ELMO1: variants seen among roughly 807,000 people sequenced by gnomAD.
The protein encoded by ELMO1 is engulfment and cell motility 1.
A neutral mutation model predicts 98.9 loss-of-function variants in ELMO1; 26 were observed. The ratio of observed to expected loss-of-function variants is 0.26; its 90% CI spans 0.19 to 0.36. ELMO1 has a LOEUF of 0.36. Among genes scored for constraint, ELMO1 ranks in the 10% least tolerant of loss-of-function variants. The probability of loss-of-function intolerance (pLI) is 1.00; values close to 1 mark genes in which losing one functional copy is unlikely to be tolerated. For missense variants in ELMO1, 627 were observed against 935.2 expected, an observed-to-expected ratio of 0.67 and a Z score of 4.30; for synonymous variants, 346 against 346.0, an observed-to-expected ratio of 1.00 and a Z score of 0.00.
intron 7 of ELMO1, among the ~76,000 whole-genome samples, chr7:37,238,074 GA>G: frequency 6.6e-6 from 1 of 152,254 alleles, no homozygotes; most frequent in South Asian, 2.1e-4. Context: ...AAAAATAACT[GA>G]TATTGCACTG....
In ELMO1 at chr7:37,351,636, TAGAC is replaced by T. The variant is rs1398124620; in HGVS notation, c.-73-8877_-73-8874del. On this transcript the variant is annotated intron_variant, in intron 1 of 21. Coordinates refer to ENST00000310758, the MANE Select transcript of ELMO1 (RefSeq NM_014800.11). ...GTACTACCCTAACATCCTTCCTAGA[TAGAC>T]AAACTAATAAATTCCTCATTACGCT... 5.9e-5 allele frequency among the ~76,000 whole-genome samples: 9 copies of T among 152,368 alleles called. No homozygotes were observed. The East Asian group carries it at 1.7e-3, about 29-fold the overall frequency.
rs1790271990 is a variant in ELMO1 at position 37,172,987 on chromosome 7, A to G, written c.1086+38399T>C. 2.6e-5 allele frequency among the ~76,000 whole-genome samples: 4 copies of G among 152,200 alleles called. No homozygotes were observed. The South Asian group carries it at 8.3e-4, about 31-fold the overall frequency. ...AGTCAGCAGGGAACTCGGATCCTGA[A>G]ACAATAAGAAAATTGAGTTGAGATG... On this transcript the variant is annotated intron_variant, in intron 13 of 21. Coordinates refer to ENST00000310758, the MANE Select transcript of ELMO1 (RefSeq NM_014800.11).
At chr7:37,074,945 G>A (rs1481751797) in intron 15 of ELMO1, among the ~76,000 whole-genome samples, 3 of 152,136 alleles carry the variant, frequency 2.0e-5, no homozygotes, top group Non-Finnish European at 1.5e-5. Context: ...GGCTTGAATG[G>A]GGGTGAATGA....
chr7:36,981,884 GGTGGTCCAGGTACCTT>G (rs1255143006), intron 16 of ELMO1, among the ~76,000 whole-genome samples: 1 of 152,222 alleles, frequency 6.6e-6, no homozygotes, highest in African/African-American at 2.4e-5. Flanking sequence ...TACCAGAGCA[GGTGGTCCAGGTACCTT>G]GTGGAGGTAA....
chr7:37,137,648 T>A (rs1787358007), intron 13 of ELMO1, among the ~76,000 whole-genome samples: 1 of 152,104 alleles, frequency 6.6e-6, no homozygotes, highest in Admixed American at 6.5e-5. Context: ...GCAATTCTCC[T>A]GCCTCAGCCT....
intron 14 of ELMO1, among the ~76,000 whole-genome samples, chr7:37,111,349 A>T (rs1785239848): frequency 6.6e-6 from 1 of 152,234 alleles, no homozygotes; most frequent in Non-Finnish European, 1.5e-5. Context: ...AGGCAAAAGC[A>T]CCATCAAGAT....
chr7:36,897,223 C>G (rs1459215957), intron 16 of ELMO1, among the ~76,000 whole-genome samples: 2 of 152,198 alleles, frequency 1.3e-5, no homozygotes, highest in Admixed American at 1.3e-4. Context: ...CTGAAGCATG[C>G]TCTCTTTCCC....
At chr7:37,107,596 T>A (rs1284976083) in intron 14 of ELMO1, among the ~76,000 whole-genome samples, 1 of 152,188 alleles carries the variant, frequency 6.6e-6, no homozygotes, top group Non-Finnish European at 1.5e-5. Context: ...GCCTCACATC[T>A]CCTTCACCGG....
chr7:36,876,787 C>T (rs887535167), intron 19 of ELMO1, among the ~76,000 whole-genome samples: 1 of 152,232 alleles, frequency 6.6e-6, no homozygotes, highest in Non-Finnish European at 1.5e-5. Flanking sequence ...TGCCCCAAAG[C>T]AGGGAGGCAT....
chr7:36,970,153 CACACACACAAAT>C (rs145432323), intron 16 of ELMO1, among the ~76,000 whole-genome samples: 5,048 of 150,954 alleles, frequency 0.033, 313 homozygotes, highest in African/African-American at 0.12. Context: ...CACACACAAA[CACACACACAAAT>C]ACATTCATAC....
At chr7:37,273,783 T>A (rs1044281479) in intron 4 of ELMO1, among the ~76,000 whole-genome samples, 18 of 152,106 alleles carry the variant, frequency 1.2e-4, no homozygotes, top group South Asian at 6.2e-4. Context: ...CAAGCTGGAG[T>A]TTGCTCAGGA....
At chr7:37,273,488 A>G (rs933282166) in intron 4 of ELMO1, among the ~76,000 whole-genome samples, 1 of 152,240 alleles carries the variant, frequency 6.6e-6, no homozygotes, top group African/African-American at 2.4e-5. Flanking sequence ...CTCTCCAGCC[A>G]TGCGGAACTG....
At chr7:37,222,825 G>C in intron 9 of ELMO1, 132 bp from the exon 10 acceptor site, 1 of 723,266 alleles carries the variant, frequency 1.4e-6, no homozygotes, top group South Asian at 1.8e-5. Context: ...GCAGGGCCTA[G>C]AAAATGCATT....
chr7:37,103,866 T>C (rs572445174), intron 14 of ELMO1, among the ~76,000 whole-genome samples: 1 of 148,724 alleles, frequency 6.7e-6, no homozygotes, highest in East Asian at 1.9e-4. Context: ...TAGCCGGGCA[T>C]GGTGGCGGGC....
At chr7:37,294,932 G>A (rs573654590) in intron 4 of ELMO1, among the ~76,000 whole-genome samples, 3 of 151,968 alleles carry the variant, frequency 2.0e-5, no homozygotes, top group South Asian at 2.1e-4. Flanking sequence ...CCCAAGAGGC[G>A]GAGGTTGCAA....
At chr7:36,991,637 G>A (rs767522873) in intron 16 of ELMO1, among the ~76,000 whole-genome samples, 12 of 152,076 alleles carry the variant, frequency 7.9e-5, no homozygotes, top group Non-Finnish European at 1.6e-4. Context: ...ATTCCCATAC[G>A]TAGGCACCTG....
intron 2 of ELMO1, among the ~76,000 whole-genome samples, chr7:37,316,210 G>A (rs1799145259): frequency 6.6e-6 from 1 of 152,066 alleles, no homozygotes; most frequent in Non-Finnish European, 1.5e-5. Context: ...AACAAAATAT[G>A]CATCATATTT....
chr7:37,240,712 C>T (rs1223463825), intron 7 of ELMO1, among the ~76,000 whole-genome samples: 1 of 152,126 alleles, frequency 6.6e-6, no homozygotes, highest in Non-Finnish European at 1.5e-5. Flanking sequence ...ATAATTTCAA[C>T]TGAGTTATTC....
At chr7:37,127,866 G>A (rs1049786384) in intron 14 of ELMO1, among the ~76,000 whole-genome samples, 8 of 152,080 alleles carry the variant, frequency 5.3e-5, no homozygotes, top group African/African-American at 1.9e-4. Flanking sequence ...GGGTTTTTCA[G>A]TAGTTCCCAG....
Sources: allele counts gnomAD v4.1 joint callset (sites outside exome capture counted in the v4.1 genomes callset), GRCh38; gene constraint gnomAD v4.1.1; transcripts MANE v1.5; gene names NCBI Gene and HGNC (gene_info 2026-07-23, HGNC 2026-07-21).